GLCCI1: variants seen among roughly 807,000 people sequenced by gnomAD.
The protein encoded by GLCCI1 is glucocorticoid-induced transcript 1 protein.
GLCCI1 carries 24 observed loss-of-function variants against 52.2 expected under a neutral mutation model. The ratio of observed to expected loss-of-function variants is 0.46; its 90% confidence interval spans 0.33 to 0.65. GLCCI1 has a LOEUF of 0.65. Among genes scored for constraint, GLCCI1 ranks in the 30% least tolerant of loss-of-function variants. GLCCI1 has a pLI of 0.02. For missense variants in GLCCI1, 704 were observed against 701.5 expected (o/e 1.00, Z -0.04); for synonymous variants, 310 against 276.5 (o/e 1.12, Z -1.20).
At chr7:8,059,174 T>C (rs1782462630) in intron 4 of GLCCI1, among the ~76,000 whole-genome samples, 1 of 152,164 alleles carries the variant, frequency 6.6e-6, no homozygotes, top group Non-Finnish European at 1.5e-5. Flanking sequence ...GGGTCAACAG[T>C]ATTTGAAAAA....
At chr7:8,036,689 T>C (rs1303712625) in intron 3 of GLCCI1, among the ~76,000 whole-genome samples, 2 of 152,140 alleles carry the variant, frequency 1.3e-5, no homozygotes, top group Non-Finnish European at 2.9e-5. Flanking sequence ...GAACAGTTTA[T>C]TAGGAGATAC....
chr7:7,981,880 C>G (rs1039832857), intron 1 of GLCCI1: 3 of 458,214 alleles, frequency 6.5e-6, no homozygotes, highest in African/African-American at 6.1e-5. Flanking sequence ...GACTCCAAGT[C>G]AAGTCACTCA....
intron 5 of GLCCI1, among the ~76,000 whole-genome samples, chr7:8,064,967 C>T (rs1396634025): frequency 6.6e-6 from 1 of 152,170 alleles, no homozygotes; most frequent in Non-Finnish European, 1.5e-5. Flanking sequence ...CTGCCCACCT[C>T]GGCCCCCCTA....
At chr7:8,029,354 C>A (rs1469014727) in intron 3 of GLCCI1, among the ~76,000 whole-genome samples, 4 of 152,232 alleles carry the variant, frequency 2.6e-5, no homozygotes, top group Non-Finnish European at 5.9e-5. Context: ...GCCATATGAT[C>A]ATTTCAATTG....
chr7:8,054,910 A>G (rs1782350618), intron 3 of GLCCI1, among the ~76,000 whole-genome samples: 1 of 151,678 alleles, frequency 6.6e-6, no homozygotes, highest in Non-Finnish European at 1.5e-5. Flanking sequence ...ACAGAGTAAT[A>G]TATATAGTAA....
At chr7:8,023,633 CTGT>C (rs1219145523) in intron 3 of GLCCI1, among the ~76,000 whole-genome samples, 1 of 80,472 alleles carries the variant, frequency 1.2e-5, no homozygotes, top group African/African-American at 4.9e-5. Flanking sequence ...GAATCTCACT[CTGT>C]CACCCAGGCT....
intron 3 of GLCCI1, among the ~76,000 whole-genome samples, chr7:8,024,513 A>G (rs1781571061): frequency 1.3e-5 from 2 of 152,264 alleles, no homozygotes; most frequent in African/African-American, 2.4e-5. Context: ...GCTGAAAGGA[A>G]GTAACGCCAG....
chr7:8,007,636 T>G (rs531430558), intron 2 of GLCCI1, among the ~76,000 whole-genome samples: 21 of 152,216 alleles, frequency 1.4e-4, no homozygotes, highest in Non-Finnish European at 2.9e-4. Flanking sequence ...AGAACTTGTT[T>G]TATTTATGTA....
intron 2 of GLCCI1, among the ~76,000 whole-genome samples, chr7:8,007,707 T>A (rs1484901467): frequency 6.6e-6 from 1 of 152,212 alleles, no homozygotes; most frequent in Non-Finnish European, 1.5e-5. Flanking sequence ...GCTACAGACA[T>A]TAAACACCTG....
intron 1 of GLCCI1, among the ~76,000 whole-genome samples, chr7:8,001,800 G>A (rs1343047585): frequency 2.6e-5 from 4 of 152,200 alleles, no homozygotes; most frequent in Non-Finnish European, 5.9e-5. Context: ...CATGACCTTT[G>A]CAAGGATGTG....
chr7:7,994,797 C>A (rs1238778158), intron 1 of GLCCI1, among the ~76,000 whole-genome samples: 1 of 152,170 alleles, frequency 6.6e-6, no homozygotes, highest in African/African-American at 2.4e-5. Context: ...AAGGAACAGT[C>A]TTGAATATTG....
chr7:7,973,809 T>G (rs544216501), intron 1 of GLCCI1, among the ~76,000 whole-genome samples: 1 of 152,258 alleles, frequency 6.6e-6, no homozygotes, highest in Non-Finnish European at 1.5e-5. Flanking sequence ...TATGTTTGCC[T>G]GTGTTCATTC....
At chr7:8,046,393 C>G (rs903362281) in intron 3 of GLCCI1, among the ~76,000 whole-genome samples, 2 of 152,320 alleles carry the variant, frequency 1.3e-5, no homozygotes, top group East Asian at 1.9e-4. Flanking sequence ...GGACATGCCT[C>G]TTTATGCCCT....
chr7:8,085,101 T>G, intron 7 of GLCCI1, 84 bp downstream of exon 7: 2 of 1,462,660 alleles, frequency 1.4e-6, no homozygotes, highest in Non-Finnish European at 1.9e-6. Context: ...ATGAATCAAC[T>G]ACTCTATCCA....
chr7:8,006,777 C>CAGGCCCACCAGGCCCATT (rs1328393146), intron 2 of GLCCI1, among the ~76,000 whole-genome samples: 6 of 149,570 alleles, frequency 4.0e-5, no homozygotes, highest in African/African-American at 1.5e-4. Flanking sequence ...CCACATGGGG[C>CAGGCCCACCAGGCCCATT]AGGCCCACCA....
intron 2 of GLCCI1, among the ~76,000 whole-genome samples, chr7:8,016,838 C>T (rs1409920667): frequency 1.3e-5 from 2 of 151,966 alleles, no homozygotes; most frequent in Non-Finnish European, 1.5e-5. Flanking sequence ...TTTACTGTTA[C>T]CGGGTTTAAA....
At chr7:7,998,623 C>T (rs951811867) in intron 1 of GLCCI1, among the ~76,000 whole-genome samples, 4 of 152,156 alleles carry the variant, frequency 2.6e-5, no homozygotes, top group African/African-American at 9.7e-5. Flanking sequence ...CTTTGTCTTT[C>T]TTACTTTCTA....
At chr7:8,065,551 CTCT>C (rs1176794934) in intron 5 of GLCCI1, among the ~76,000 whole-genome samples, 1 of 152,160 alleles carries the variant, frequency 6.6e-6, no homozygotes, top group Non-Finnish European at 1.5e-5. Context: ...TCTTGGATGG[CTCT>C]TCTTATCTTG....
At chr7:8,072,426 G>T (rs933266030) in intron 6 of GLCCI1, among the ~76,000 whole-genome samples, 33 of 152,032 alleles carry the variant, frequency 2.2e-4, no homozygotes, top group African/African-American at 7.5e-4. Flanking sequence ...AGGATATATT[G>T]AATATAGTAC....
Sources: allele counts gnomAD v4.1 joint callset (sites outside exome capture counted in the v4.1 genomes callset), GRCh38; gene constraint gnomAD v4.1.1; transcripts MANE v1.5; gene names NCBI Gene and HGNC (gene_info 2026-07-23, HGNC 2026-07-21).